The following PIP4K2A variants were observed in gnomAD, a reference collection of about 807,000 sequenced individuals.
PIP4K2A encodes the protein phosphatidylinositol 5-phosphate 4-kinase type-2 alpha.
A neutral mutation model predicts 42.9 loss-of-function variants in PIP4K2A; 14 were observed. That is an observed-to-expected ratio of 0.33 (90% confidence interval 0.22 to 0.51). PIP4K2A has a LOEUF of 0.51. Among genes scored for constraint, PIP4K2A ranks in the 20% least tolerant of loss-of-function variants. The pLI, the probability that PIP4K2A is intolerant of heterozygous loss-of-function variation, is 0.97. For missense variants in PIP4K2A, 434 were observed against 519.8 expected (o/e 0.83, Z 1.61); for synonymous variants, 192 against 192.2 (o/e 1.00, Z 0.01).
At position 22,535,152 on chromosome 10, in the gene PIP4K2A, A is replaced by G. The variant is rs1032579895; in HGVS notation, c.*2049T>C. On this transcript the variant is annotated 3_prime_UTR_variant, in exon 10 of 10. Coordinates refer to ENST00000376573, the MANE Select transcript of PIP4K2A (RefSeq NM_005028.5). The stretch of plus-strand genomic sequence containing the variant: ...ATTCTGTAAACTTCTAAAAGCATAC[A>G]CAGATTGGCCCCCAAGGAAACAGTT... The G allele has an allele frequency of 2.0e-5, 3 of 152,228 alleles. No homozygotes were observed. Among genetic ancestry groups the G allele is most frequent in the African/African-American group, 7.2e-5 (3 of 41,462 alleles). The allele number at this position is 152,228 out of a possible 1,614,324, so 9.4% of individuals were successfully genotyped here.
intron 2 of PIP4K2A, among the ~76,000 whole-genome samples, chr10:22,608,605 C>T (rs1160574727): frequency 6.6e-6 from 1 of 152,150 alleles, no homozygotes; most frequent in Non-Finnish European, 1.5e-5. Context: ...TGGCTTACAC[C>T]ACTCATTTGT....
intron 1 of PIP4K2A, among the ~76,000 whole-genome samples, chr10:22,705,868 G>C (rs1388201001): frequency 6.6e-6 from 1 of 151,818 alleles, no homozygotes; most frequent in Non-Finnish European, 1.5e-5. Flanking sequence ...AAATACCCAA[G>C]ACTGGGTAAT....
At chr10:22,578,149 A>T (rs1409675408) in intron 4 of PIP4K2A, among the ~76,000 whole-genome samples, 4 of 152,338 alleles carry the variant, frequency 2.6e-5, no homozygotes, top group Admixed American at 2.0e-4. Context: ...ATATGCTACC[A>T]ATTTTCTGTC....
intron 1 of PIP4K2A, among the ~76,000 whole-genome samples, chr10:22,630,151 AAC>A (rs1838519594): frequency 6.6e-6 from 1 of 151,304 alleles, no homozygotes; most frequent in African/African-American, 2.4e-5. Flanking sequence ...CAGCCTGTGA[AAC>A]ACAGGGCGAC....
At chr10:22,562,886 T>G (rs1836747062) in intron 6 of PIP4K2A, among the ~76,000 whole-genome samples, 1 of 152,132 alleles carries the variant, frequency 6.6e-6, no homozygotes, top group South Asian at 2.1e-4. Flanking sequence ...ACATTTCAAA[T>G]GCCTCCTCTC....
chr10:22,581,140 G>C (rs967169570), intron 4 of PIP4K2A, among the ~76,000 whole-genome samples: 1 of 13,296 alleles, frequency 7.5e-5, no homozygotes. Context: ...GCGGCTCCTT[G>C]AGTAGGGCTT....
chr10:22,595,242 C>A (rs1329791776), intron 3 of PIP4K2A, among the ~76,000 whole-genome samples: 1 of 152,088 alleles, frequency 6.6e-6, no homozygotes, highest in Non-Finnish European at 1.5e-5. Flanking sequence ...ATTTTTCCCA[C>A]CTCAAGATAA....
At chr10:22,556,726 C>T (rs1836559715) in intron 6 of PIP4K2A, among the ~76,000 whole-genome samples, 1 of 152,154 alleles carries the variant, frequency 6.6e-6, no homozygotes, top group African/African-American at 2.4e-5. Flanking sequence ...TGAACTCACT[C>T]CTAGGGAGCA....
At chr10:22,628,711 G>A (rs1009693498) in intron 1 of PIP4K2A, among the ~76,000 whole-genome samples, 4 of 152,184 alleles carry the variant, frequency 2.6e-5, no homozygotes, top group Non-Finnish European at 5.9e-5. Context: ...TTTCTGATTG[G>A]CAACTGGTTC....
At chr10:22,639,920 T>C (rs1838743537) in intron 1 of PIP4K2A, among the ~76,000 whole-genome samples, 1 of 151,818 alleles carries the variant, frequency 6.6e-6, no homozygotes, top group South Asian at 2.1e-4. Flanking sequence ...TTTCATCCAA[T>C]TTCCAGCCAG....
intron 1 of PIP4K2A, among the ~76,000 whole-genome samples, chr10:22,648,659 T>C (rs1838933000): frequency 6.6e-6 from 1 of 152,088 alleles, no homozygotes; most frequent in Admixed American, 6.5e-5. Flanking sequence ...TTAACCACAA[T>C]CAGACATTAA....
intron 1 of PIP4K2A, among the ~76,000 whole-genome samples, chr10:22,624,313 C>T (rs1055756105): frequency 2.6e-5 from 4 of 152,130 alleles, no homozygotes. Context: ...CATGTAAAAA[C>T]CAATATGGCA....
chr10:22,578,492 C>T (rs145661825), intron 4 of PIP4K2A, among the ~76,000 whole-genome samples: 1,680 of 152,304 alleles, frequency 0.011, 21 homozygotes, highest in Non-Finnish European at 0.013. Context: ...GCTTCTGAGA[C>T]GCTGTGTTCT....
At chr10:22,556,264 C>T (rs1013858452) in intron 6 of PIP4K2A, among the ~76,000 whole-genome samples, 2 of 152,186 alleles carry the variant, frequency 1.3e-5, no homozygotes, top group Non-Finnish European at 1.5e-5. Context: ...GCCAACCTCC[C>T]TGTCGTGGCG....
At chr10:22,664,797 T>G (rs923313110) in intron 1 of PIP4K2A, among the ~76,000 whole-genome samples, 2 of 152,180 alleles carry the variant, frequency 1.3e-5, no homozygotes, top group Non-Finnish European at 2.9e-5. Context: ...ATATTACATT[T>G]GAAAGTGAGA....
chr10:22,607,935 C>A lies in PIP4K2A; in HGVS notation c.331G>T (p.Asp111Tyr). ...LRERFGIDDQ[D>Y]FQNSLTRSAP... The stretch of plus-strand genomic sequence containing the variant: ...TTACAAACGCAACTCACCTGGAAAT[C>A]TTGATCATCAATTCCAAACCTCTCC... The change falls in exon 3 of 10, where the codon GAT (aspartate) becomes TAT (tyrosine). Residue 111 changes from aspartate to tyrosine, a missense_variant. This residue lies in a region of PIP4K2A where 395 missense variants were observed against 444.5 expected (regional missense o/e 0.89). Transcript: ENST00000376573. The A allele has an allele frequency of 1.2e-6, 2 of 1,610,066 alleles. No homozygotes were observed.
At chr10:22,687,499 G>A (rs1456966946) in intron 1 of PIP4K2A, among the ~76,000 whole-genome samples, 2 of 151,964 alleles carry the variant, frequency 1.3e-5, no homozygotes, top group African/African-American at 4.8e-5. Context: ...CTGTATTGGG[G>A]ATTTTTGTTA....
At chr10:22,561,565 G>T (rs954148750) in intron 6 of PIP4K2A, among the ~76,000 whole-genome samples, 4 of 113,498 alleles carry the variant, frequency 3.5e-5, no homozygotes, top group Admixed American at 2.0e-4. Flanking sequence ...TCTCTACGCA[G>T]TTTTTTTTTT....
chr10:22,652,042 G>A (rs977933511), intron 1 of PIP4K2A, among the ~76,000 whole-genome samples: 1 of 152,096 alleles, frequency 6.6e-6, no homozygotes, highest in Non-Finnish European at 1.5e-5. Context: ...TTATTTAACT[G>A]AGCCCTGTAA....
Sources: gnomAD v4.1 joint callset for allele counts (sites outside exome capture counted in the v4.1 genomes callset) on GRCh38, gnomAD v4.1.1 for gene constraint, gnomAD v4.1.1 regional missense constraint, MANE v1.5 for transcripts, NCBI Gene and HGNC (gene_info 2026-07-23, HGNC 2026-07-21) for gene names.